The following CPQ variants were observed in gnomAD, a reference collection of about 807,000 sequenced individuals.
The protein encoded by CPQ is carboxypeptidase Q.
A neutral mutation model predicts 45.7 loss-of-function variants in CPQ; 37 were observed. The observed-to-expected ratio is 0.81, with a 90% CI of 0.62 to 1.07. The LOEUF is 1.07. Among genes scored for constraint, CPQ ranks in the 50% least tolerant of loss-of-function variants. CPQ has a pLI of 0.00. For synonymous variants in CPQ, 186 were observed against 205.8 expected, an observed-to-expected ratio of 0.90 and a Z score of 0.82; for missense variants, 537 against 572.9, an observed-to-expected ratio of 0.94 and a Z score of 0.64.
chr8:96,857,007 G>A (rs1811860274), intron 3 of CPQ, among the ~76,000 whole-genome samples: 1 of 152,176 alleles, frequency 6.6e-6, no homozygotes, highest in South Asian at 2.1e-4. Flanking sequence ...TCTATGTGAT[G>A]TGACCTGCTA....
intron 5 of CPQ, among the ~76,000 whole-genome samples, chr8:96,997,707 G>A (rs1809200427): frequency 6.6e-6 from 1 of 151,886 alleles, no homozygotes; most frequent in Non-Finnish European, 1.5e-5. Context: ...AAAAGATATG[G>A]CATTAATGGT....
Position 96,871,926 on chromosome 8 carries a change from C to T in CPQ, c.642-7872C>T, listed in dbSNP as rs557480358. Among the ~76,000 whole-genome samples the T allele has an allele frequency of 6.6e-5, 10 of 151,730 alleles. No homozygotes were observed. The East Asian group carries it at 1.2e-3, about 18-fold the overall frequency. On this transcript the variant is annotated intron_variant, in intron 3 of 7. Coordinates refer to ENST00000220763, the MANE Select transcript of CPQ (RefSeq NM_016134.4). Reference sequence around the variant, plus strand: ...GTACAAATTATTTTTTCTTTTTTTACGATATTGGCGATGAGTTTGTTCTCC... The same window carrying T: ...GTACAAATTATTTTTTCTTTTTTTATGATATTGGCGATGAGTTTGTTCTCC...
At chr8:96,779,660 ATAGT>A (rs146782033) in intron 1 of CPQ, among the ~76,000 whole-genome samples, 6,400 of 152,292 alleles carry the variant, frequency 0.042, 175 homozygotes, top group Middle Eastern at 0.099. Context: ...GTATTGTGAA[ATAGT>A]TAATTAATGT....
chr8:96,656,380 T>C (rs188886037), intron 1 of CPQ, among the ~76,000 whole-genome samples: 2 of 152,232 alleles, frequency 1.3e-5, no homozygotes, highest in South Asian at 2.1e-4. Flanking sequence ...TAATTTCTGA[T>C]TGGACAAGGT....
chr8:97,078,641 T>C (rs1810890476), intron 7 of CPQ, among the ~76,000 whole-genome samples: 1 of 152,194 alleles, frequency 6.6e-6, no homozygotes, highest in Admixed American at 6.5e-5. Flanking sequence ...TCACCAACAG[T>C]ATAACTATTG....
At chr8:96,835,924 T>C (rs950088682) in intron 3 of CPQ, among the ~76,000 whole-genome samples, 1 of 152,210 alleles carries the variant, frequency 6.6e-6, no homozygotes, top group Non-Finnish European at 1.5e-5. Context: ...AATAACTTTA[T>C]TGGCCCTCAG....
intron 1 of CPQ, among the ~76,000 whole-genome samples, chr8:96,737,766 T>G (rs1393597548): frequency 6.6e-6 from 1 of 152,026 alleles, no homozygotes; most frequent in South Asian, 2.1e-4. Flanking sequence ...AGCACATTAA[T>G]TTTTCACCCT....
chr8:96,982,053 A>T (rs543074053), intron 5 of CPQ, among the ~76,000 whole-genome samples: 1 of 152,326 alleles, frequency 6.6e-6, no homozygotes, highest in East Asian at 1.9e-4. Flanking sequence ...ATGATGTTAA[A>T]GAAAACTGTA....
chr8:97,040,027 T>C (rs1810087515), intron 6 of CPQ, among the ~76,000 whole-genome samples: 1 of 151,812 alleles, frequency 6.6e-6, no homozygotes. Context: ...CAAATGGTAT[T>C]TCTAGTTCTA....
At chr8:96,790,533 G>C (rs1025687471) in intron 2 of CPQ, among the ~76,000 whole-genome samples, 4 of 152,146 alleles carry the variant, frequency 2.6e-5, no homozygotes, top group Non-Finnish European at 5.9e-5. Context: ...ATGGGGTTGG[G>C]GAATGAGAAA....
rs114782221 is a variant in CPQ, at chr8:96,672,870, G to T, written c.-35+27468G>T. Among the ~76,000 whole-genome samples the T allele has an allele frequency of 6.4e-3, 968 of 152,114 alleles. 5 individuals carry two copies. Among genetic ancestry groups the T allele is most frequent in the African/African-American group, 0.018 (749 of 41,492 alleles). ...TTTTTTAAAATGTTAGATTCAGGGG[G>T]TACATGTGTGGGTTTGTTACATGCA... On this transcript the variant is annotated intron_variant, in intron 1 of 7. Coordinates refer to ENST00000220763, the MANE Select transcript of CPQ (RefSeq NM_016134.4).
At chr8:96,761,372 T>G (rs1810403393) in intron 1 of CPQ, 1 of 152,268 alleles carries the variant, frequency 6.6e-6, no homozygotes, top group Non-Finnish European at 1.5e-5. Context: ...TTTCTGCACC[T>G]ATGCTCTAAG....
chr8:97,133,677 G>A (rs1037474316), intron 7 of CPQ, among the ~76,000 whole-genome samples: 2 of 152,134 alleles, frequency 1.3e-5, no homozygotes, highest in African/African-American at 4.8e-5. Flanking sequence ...TAATGTCTTA[G>A]AAGCCAATAA....
intron 1 of CPQ, among the ~76,000 whole-genome samples, chr8:96,740,210 T>C (rs935470380): frequency 5.9e-5 from 9 of 152,182 alleles, no homozygotes; most frequent in Non-Finnish European, 1.2e-4. Context: ...AGGTATTTTA[T>C]TCTTTTTAAA....
At position 96,695,959 on chromosome 8, in the gene CPQ, A is replaced by G. The variant is rs1460114411; in HGVS notation, c.-35+50557A>G. Among the ~76,000 whole-genome samples, 38 of 149,736 alleles carry G rather than the reference A, an allele frequency of 2.5e-4. 1 individual carries two copies. The highest frequency in any genetic ancestry group is 9.6e-4 in the African/African-American group (38 of 39,616). Reference sequence around the variant, plus strand: ...TTACTGGGTATATACCCAAAGGACTATAAATCATGCTGCTATAAAGACACA... The same window carrying G: ...TTACTGGGTATATACCCAAAGGACTGTAAATCATGCTGCTATAAAGACACA... On this transcript the variant is annotated intron_variant, in intron 1 of 7. Coordinates refer to ENST00000220763, the MANE Select transcript of CPQ (RefSeq NM_016134.4).
chr8:96,784,748 G>A (rs555304971), intron 1 of CPQ, 116 bp from the exon 2 acceptor site: 3 of 695,724 alleles, frequency 4.3e-6, no homozygotes, highest in Middle Eastern at 4.1e-4. Flanking sequence ...GATGGTGGAT[G>A]TTGGGCAGTG....
chr8:96,786,188 A>G (rs1272401757), intron 2 of CPQ, among the ~76,000 whole-genome samples: 3 of 152,134 alleles, frequency 2.0e-5, no homozygotes, highest in Non-Finnish European at 4.4e-5. Context: ...CAGTCTACCT[A>G]TATCCCAGCC....
Position 96,823,682 on chromosome 8 carries a change from C to A in CPQ, c.434-11291C>A, listed in dbSNP as rs977131064. 2.0e-5 allele frequency among the ~76,000 whole-genome samples: 3 copies of A among 151,852 alleles called. 1 individual carries two copies. The highest frequency in any genetic ancestry group is 2.0e-4 in the Admixed American group (3 of 15,228). On this transcript the variant is annotated intron_variant, in intron 2 of 7. Transcript: ENST00000220763. ...GTAATAAGTCAGGAAATAAGTAAAACACAAGTATAAATAAATAAAGTATTT... is the reference window on the plus strand; with the variant it reads ...GTAATAAGTCAGGAAATAAGTAAAAAACAAGTATAAATAAATAAAGTATTT...
At chr8:96,926,575 C>CTT (rs1162596163) in intron 4 of CPQ, among the ~76,000 whole-genome samples, 15,161 of 112,980 alleles carry the variant, frequency 0.13, 925 homozygotes, top group Middle Eastern at 0.21. Flanking sequence ...TCTTCCTCTT[C>CTT]CTCTTCTTCT....
Sources: gnomAD v4.1 joint callset for allele counts (sites outside exome capture counted in the v4.1 genomes callset) on GRCh38, gnomAD v4.1.1 for gene constraint, MANE v1.5 for transcripts, NCBI Gene and HGNC (gene_info 2026-07-23, HGNC 2026-07-21) for gene names.